Variants in B3GALT5 observed in about 807,000 individuals in gnomAD.
The protein encoded by B3GALT5 is UDP-Gal:betaGlcNAc beta 1,3-galactosyltransferase, polypeptide 5.
For missense variants in B3GALT5, 328 were observed against 396.6 expected (o/e 0.83, Z 1.47); for synonymous variants, 156 against 158.6 (o/e 0.98, Z 0.12).
At chr21:39,621,401 T>G (rs1273834508) in intron 1 of B3GALT5, among the ~76,000 whole-genome samples, 3 of 152,170 alleles carry the variant, frequency 2.0e-5, no homozygotes, top group Admixed American at 1.3e-4. Context: ...GTTCATAATT[T>G]TCTTTTCTTT....
At chr21:39,645,871 G>GT (rs1226692393) in intron 1 of B3GALT5, among the ~76,000 whole-genome samples, 1 of 151,716 alleles carries the variant, frequency 6.6e-6, no homozygotes, top group Non-Finnish European at 1.5e-5. Context: ...TAGTATAATA[G>GT]TTTTTACTCT....
intron 1 of B3GALT5, among the ~76,000 whole-genome samples, chr21:39,636,852 A>G (rs2079231721): frequency 6.6e-6 from 1 of 152,178 alleles, no homozygotes; most frequent in Non-Finnish European, 1.5e-5. Context: ...GGAGCAGAGC[A>G]CACAGAGCAT....
At chr21:39,625,810 C>T (rs1408136771) in intron 1 of B3GALT5, among the ~76,000 whole-genome samples, 1 of 152,186 alleles carries the variant, frequency 6.6e-6, no homozygotes, top group Admixed American at 6.5e-5. Context: ...GTCTTGGCTT[C>T]CCTTCAAGCC....
chr21:39,643,429 A>AG lies in B3GALT5; in HGVS notation c.-391-2963_-391-2962insG, dbSNP rs1391619709. On this transcript the variant is annotated intron_variant, in intron 1 of 3. Coordinates refer to ENST00000684187, the MANE Select transcript of B3GALT5 (RefSeq NM_001356336.2). Reference sequence around the variant, plus strand: ...CGAGACTCTAGCTCAAAAAAAAAAAAAAAAGAAAAAGAAAAGCAAAGCCTG... The same window carrying AG: ...CGAGACTCTAGCTCAAAAAAAAAAAAGAAAAGAAAAAGAAAAGCAAAGCCTG... Among the ~76,000 whole-genome samples, 30 of 150,776 alleles carry AG rather than the reference A, an allele frequency of 2.0e-4. 1 individual carries two copies. The highest frequency in any genetic ancestry group is 5.6e-4 in the African/African-American group (23 of 40,816).
At chr21:39,642,649 A>G (rs1261987563) in intron 1 of B3GALT5, among the ~76,000 whole-genome samples, 1 of 152,258 alleles carries the variant, frequency 6.6e-6, no homozygotes, top group Non-Finnish European at 1.5e-5. Flanking sequence ...TAGAAAATAC[A>G]GACAAGAACA....
rs549979285 is a variant in B3GALT5, at chr21:39,643,682, A to C, written c.-391-2710A>C. 5.3e-5 allele frequency among the ~76,000 whole-genome samples: 8 copies of C among 152,348 alleles called. No homozygotes were observed. The South Asian group carries it at 1.7e-3, about 32-fold the overall frequency. ...CTTCCCAAGTTTTGAAGCATGCCAC[A>C]GATTGCTAGGAGACAGCTGAAATTT... On this transcript the variant is annotated intron_variant, in intron 1 of 3. Coordinates refer to ENST00000684187, the MANE Select transcript of B3GALT5 (RefSeq NM_001356336.2).
chr21:39,655,888 C>T (rs968811174), intron 2 of B3GALT5, among the ~76,000 whole-genome samples: 1 of 152,138 alleles, frequency 6.6e-6, no homozygotes, highest in Non-Finnish European at 1.5e-5. Flanking sequence ...ATGCTCTTTT[C>T]CACCTTCTCC....
intron 1 of B3GALT5, among the ~76,000 whole-genome samples, chr21:39,642,768 G>C: frequency 6.6e-6 from 1 of 151,996 alleles, no homozygotes; most frequent in Non-Finnish European, 1.5e-5. Context: ...GGGCATGGTG[G>C]CTCACGCCTG....
At chr21:39,625,070 T>C (rs999932257) in intron 1 of B3GALT5, among the ~76,000 whole-genome samples, 3 of 152,230 alleles carry the variant, frequency 2.0e-5, no homozygotes, top group Non-Finnish European at 4.4e-5. Flanking sequence ...TGTCCAATAT[T>C]ACACACACAC....
At chr21:39,656,641 C>A (rs550389248) in intron 2 of B3GALT5, among the ~76,000 whole-genome samples, 1 of 152,184 alleles carries the variant, frequency 6.6e-6, no homozygotes, top group Admixed American at 6.5e-5. Context: ...ACTTTCCAGA[C>A]CCCCCCTTCA....
At chr21:39,653,300 C>A (rs1450980083) in intron 2 of B3GALT5, among the ~76,000 whole-genome samples, 1 of 152,208 alleles carries the variant, frequency 6.6e-6, no homozygotes, top group African/African-American at 2.4e-5. Flanking sequence ...TTCATTCATT[C>A]ATTCTGCTGT....
intron 1 of B3GALT5, among the ~76,000 whole-genome samples, chr21:39,644,423 C>T (rs2079317755): frequency 1.3e-5 from 2 of 152,224 alleles, no homozygotes; most frequent in South Asian, 4.2e-4. Flanking sequence ...TTTAGGAACC[C>T]AAATGGGAGG....
chr21:39,655,638 T>A (rs372891466), intron 2 of B3GALT5, among the ~76,000 whole-genome samples: 79 of 152,254 alleles, frequency 5.2e-4, no homozygotes, highest in African/African-American at 1.8e-3. Flanking sequence ...TGGGGGGCAT[T>A]CCTCTTTAAG....
chr21:39,657,693 C>T (rs892779716), intron 2 of B3GALT5: 19 of 413,170 alleles, frequency 4.6e-5, no homozygotes, highest in South Asian at 2.7e-4. Context: ...GTCTACCTAC[C>T]GACTTACCTA....
At chr21:39,635,673 T>C (rs977774132) in intron 1 of B3GALT5, among the ~76,000 whole-genome samples, 4 of 152,052 alleles carry the variant, frequency 2.6e-5, no homozygotes, top group African/African-American at 9.7e-5. Context: ...AAAGACAGGG[T>C]TTTGCCATGT....
At chr21:39,639,436 CT>C in intron 1 of B3GALT5, among the ~76,000 whole-genome samples, 1 of 108,990 alleles carries the variant, frequency 9.2e-6, no homozygotes, top group Admixed American at 9.0e-5. Context: ...TTCTTTCTTT[CT>C]TTCTTTCTTT....
At position 39,643,136 on chromosome 21, in the gene B3GALT5, A is replaced by C. The variant is rs1043084810; in HGVS notation, c.-391-3256A>C. ...GTAGCTTGAGTCTGTTACATGAATG[A>C]AATGGAATGAGTACTAAACTGGACT... On this transcript the variant is annotated intron_variant, in intron 1 of 3. Coordinates refer to ENST00000684187, the MANE Select transcript of B3GALT5 (RefSeq NM_001356336.2). Among the ~76,000 whole-genome samples, 3 of 152,276 alleles carry C rather than the reference A, an allele frequency of 2.0e-5. No individual in the cohort carries two copies. In the East Asian group the frequency reaches 5.8e-4, roughly 29 times the overall value.
chr21:39,620,737 T>C (rs773256467), intron 1 of B3GALT5, among the ~76,000 whole-genome samples: 4 of 151,898 alleles, frequency 2.6e-5, no homozygotes, highest in African/African-American at 4.9e-5. Context: ...TTTGTATGCT[T>C]GCCTTCAAGA....
At chr21:39,628,786 A>T (rs902267157) in intron 1 of B3GALT5, among the ~76,000 whole-genome samples, 3 of 152,220 alleles carry the variant, frequency 2.0e-5, no homozygotes, top group African/African-American at 7.2e-5. Flanking sequence ...TTATGACCTG[A>T]GTGCTTACTG....
Sources: allele counts gnomAD v4.1 joint callset (sites outside exome capture counted in the v4.1 genomes callset), GRCh38; gene constraint gnomAD v4.1.1; transcripts MANE v1.5; gene names NCBI Gene and HGNC (gene_info 2026-07-23, HGNC 2026-07-21).